Variants in DAB1 observed in about 807,000 individuals in gnomAD.
DAB1 encodes the protein disabled homolog 1.
A neutral mutation model predicts 64.6 loss-of-function variants in DAB1; 15 were observed. The ratio of observed to expected loss-of-function variants is 0.23; its 90% CI spans 0.16 to 0.36. DAB1 has a LOEUF of 0.36. Ranked by LOEUF, DAB1 falls within the 10% of genes least tolerant of loss-of-function variation. The pLI, the probability that DAB1 is intolerant of heterozygous loss-of-function variation, is 1.00. For synonymous variants in DAB1, 235 were observed against 251.9 expected, an observed-to-expected ratio of 0.93 and a Z score of 0.64; for missense variants, 596 against 706.7, an observed-to-expected ratio of 0.84 and a Z score of 1.78.
chr1:57,244,866 G>C (rs180914129), intron 2 of DAB1, among the ~76,000 whole-genome samples: 1 of 152,336 alleles, frequency 6.6e-6, no homozygotes, highest in Non-Finnish European at 1.5e-5. Context: ...GTAGCGTTCT[G>C]ATATGGTTTA....
At chr1:57,910,982 GTACCAGA>G (rs1172965878) in intron 5 of DAB1, among the ~76,000 whole-genome samples, 15 of 152,330 alleles carry the variant, frequency 9.8e-5, no homozygotes, top group African/African-American at 3.6e-4. Flanking sequence ...ATGTAGAACA[GTACCAGA>G]TACTTAGAAA....
At chr1:57,101,062 T>C (rs557693250) in intron 4 of DAB1, among the ~76,000 whole-genome samples, 2 of 152,260 alleles carry the variant, frequency 1.3e-5, no homozygotes, top group African/African-American at 2.4e-5. Flanking sequence ...TGAACCCAGA[T>C]GGTCTGACCC....
intron 7 of DAB1, among the ~76,000 whole-genome samples, chr1:57,590,160 A>T (rs953754008): frequency 1.3e-5 from 2 of 152,136 alleles, no homozygotes; most frequent in Admixed American, 1.3e-4. Flanking sequence ...TGGCTTTCAG[A>T]TGGCAACCCT....
chr1:57,912,409 C>G (rs1358640816), intron 5 of DAB1, among the ~76,000 whole-genome samples: 2 of 152,188 alleles, frequency 1.3e-5, no homozygotes, highest in African/African-American at 4.8e-5. Flanking sequence ...ATGCTAAAAA[C>G]TCTCAATAAA....
intron 3 of DAB1, among the ~76,000 whole-genome samples, chr1:58,504,654 T>C (rs1483632026): frequency 2.0e-5 from 3 of 152,324 alleles, no homozygotes; most frequent in African/African-American, 4.8e-5. Context: ...CACAGAATAG[T>C]AGATTAATCA....
At chr1:57,363,306 T>C (rs2100904999) in intron 1 of DAB1, among the ~76,000 whole-genome samples, 1 of 152,268 alleles carries the variant, frequency 6.6e-6, no homozygotes, top group Admixed American at 6.5e-5. Context: ...GAATTTGGAA[T>C]CCTAGCTACA....
At chr1:57,778,940 C>T (rs1248713089) in intron 6 of DAB1, among the ~76,000 whole-genome samples, 1 of 151,816 alleles carries the variant, frequency 6.6e-6, no homozygotes, top group Non-Finnish European at 1.5e-5. Context: ...TTCCTTCCCT[C>T]CCTCCCTTCC....
At chr1:58,512,615 G>A (rs1424914002) in intron 2 of DAB1, among the ~76,000 whole-genome samples, 1 of 152,154 alleles carries the variant, frequency 6.6e-6, no homozygotes, top group African/African-American at 2.4e-5. Flanking sequence ...AAACCTTGAG[G>A]ACATTAAGCT....
intron 1 of DAB1, among the ~76,000 whole-genome samples, chr1:57,363,915 G>A (rs1679756421): frequency 6.6e-6 from 1 of 152,134 alleles, no homozygotes; most frequent in African/African-American, 2.4e-5. Flanking sequence ...CATTCCATCA[G>A]CCTCAAATCT....
chr1:57,673,491 A>G (rs1646531331), intron 6 of DAB1, among the ~76,000 whole-genome samples: 1 of 152,100 alleles, frequency 6.6e-6, no homozygotes, highest in South Asian at 2.1e-4. Context: ...TCCTGAAAAT[A>G]TTAGGAGGAA....
intron 6 of DAB1, among the ~76,000 whole-genome samples, chr1:57,781,588 A>G (rs1557477458): frequency 6.6e-6 from 1 of 152,102 alleles, no homozygotes; most frequent in African/African-American, 2.4e-5. Context: ...AAACTAAGTA[A>G]CACAGTTGTG....
At chr1:57,206,783 A>G (rs1040068857) in intron 2 of DAB1, among the ~76,000 whole-genome samples, 3 of 152,198 alleles carry the variant, frequency 2.0e-5, no homozygotes, top group Non-Finnish European at 4.4e-5. Flanking sequence ...AAAAGGACAC[A>G]GGCGTTTTGG....
intron 3 of DAB1, among the ~76,000 whole-genome samples, chr1:58,372,829 C>A (rs1261573693): frequency 6.6e-6 from 1 of 152,154 alleles, no homozygotes; most frequent in African/African-American, 2.4e-5. Flanking sequence ...ACATGCCTTG[C>A]TTTCCATTCA....
chr1:58,514,352 T>A (rs1453085523), intron 2 of DAB1, among the ~76,000 whole-genome samples: 2 of 152,128 alleles, frequency 1.3e-5, no homozygotes, highest in African/African-American at 4.8e-5. Context: ...AAAACAATAC[T>A]AGAGAAATAT....
intron 4 of DAB1, among the ~76,000 whole-genome samples, chr1:58,284,135 G>T (rs1014147993): frequency 2.0e-5 from 3 of 152,214 alleles, no homozygotes; most frequent in African/African-American, 4.8e-5. Flanking sequence ...GGTCTTTTCT[G>T]ACCAGAGGCT....
chr1:57,823,705 A>G (rs1247145574), downstream of DAB1, among the ~76,000 whole-genome samples: 1 of 152,138 alleles, frequency 6.6e-6, no homozygotes, highest in African/African-American at 2.4e-5. Flanking sequence ...GTATAAAAGG[A>G]AAGTGGCCCT....
intron 14 of DAB1, among the ~76,000 whole-genome samples, chr1:57,006,859 G>C (rs1432940612): frequency 5.3e-5 from 8 of 152,190 alleles, no homozygotes; most frequent in Non-Finnish European, 1.2e-4. Context: ...TTCTTGGACA[G>C]CTTGGGGAGA....
At chr1:58,102,307 A>G (rs1651370960) in intron 5 of DAB1, among the ~76,000 whole-genome samples, 1 of 152,104 alleles carries the variant, frequency 6.6e-6, no homozygotes. Context: ...TGGGGAGAGG[A>G]AAGGAGGGAA....
intron 1 of DAB1, among the ~76,000 whole-genome samples, chr1:57,380,182 T>G (rs1325658244): frequency 6.6e-6 from 1 of 152,128 alleles, no homozygotes; most frequent in Non-Finnish European, 1.5e-5. Context: ...TTATTTTCAT[T>G]CTATAGAAAT....
Sources: allele counts gnomAD v4.1 joint callset (sites outside exome capture counted in the v4.1 genomes callset), GRCh38; gene constraint gnomAD v4.1.1; transcripts MANE v1.5; gene names NCBI Gene and HGNC (gene_info 2026-07-23, HGNC 2026-07-21).